Variants in DPP6 observed in about 807,000 individuals in gnomAD.
The protein encoded by DPP6 is A-type potassium channel modulatory protein DPP6.
A neutral mutation model predicts 122.6 loss-of-function variants in DPP6; 69 were observed. The observed-to-expected ratio is 0.56, with a 90% CI of 0.46 to 0.69. The LOEUF is 0.69. Ranked by LOEUF, DPP6 falls within the 30% of genes least tolerant of loss-of-function variation. DPP6 has a pLI of 0.00. For synonymous variants in DPP6, 418 were observed against 433.1 expected (o/e 0.97, Z 0.43); for missense variants, 928 against 1,116.9 (o/e 0.83, Z 2.41).
chr7:154,596,326 A>T lies in DPP6; in HGVS notation c.627+29410A>T, dbSNP rs1833088234. Among the ~76,000 whole-genome samples the T allele has an allele frequency of 2.0e-5, 3 of 152,174 alleles. No individual in the cohort carries two copies. The South Asian group carries it at 6.2e-4, about 32-fold the overall frequency. On this transcript the variant is annotated intron_variant, in intron 5 of 25. Transcript: ENST00000377770. ...ACTGTCTGCTGCTGGATGAGTGTGT[A>T]TTTGGGGGCTCTGAGGGATGGAGAA...
intron 1 of DPP6, among the ~76,000 whole-genome samples, chr7:154,332,608 C>G (rs991685017): frequency 1.3e-5 from 2 of 152,158 alleles, no homozygotes; most frequent in Non-Finnish European, 2.9e-5. Flanking sequence ...TTTGCCAAAG[C>G]GTTTAGATAG....
At chr7:153,939,741 C>T (rs1801614564) in intron 1 of DPP6, among the ~76,000 whole-genome samples, 1 of 152,194 alleles carries the variant, frequency 6.6e-6, no homozygotes, top group Non-Finnish European at 1.5e-5. Flanking sequence ...GCTATGAAAG[C>T]AAATAATTGC....
intron 1 of DPP6, chr7:153,887,793 C>G: frequency 6.3e-7 from 1 of 1,585,550 alleles, no homozygotes; most frequent in Non-Finnish European, 8.6e-7. Context: ...AGGAGCGATG[C>G]TGGGGGAGGT....
intron 18 of DPP6, among the ~76,000 whole-genome samples, chr7:154,870,143 A>ATTTTTTTTTTTTTTTTTT (rs1310478201): frequency 9.0e-6 from 1 of 110,878 alleles, no homozygotes; most frequent in Non-Finnish European, 1.8e-5. Context: ...TGCCCAACTA[A>ATTTTTTTTTTTTTTTTTT]TTCTTTTTTT....
chr7:154,740,544 T>G (rs968656923), intron 8 of DPP6, among the ~76,000 whole-genome samples: 1 of 152,348 alleles, frequency 6.6e-6, no homozygotes, highest in African/African-American at 2.4e-5. Flanking sequence ...GAAGCATCAC[T>G]AGGGTGGACC....
At chr7:154,462,121 C>A (rs1821351574) in intron 2 of DPP6, among the ~76,000 whole-genome samples, 1 of 152,104 alleles carries the variant, frequency 6.6e-6, no homozygotes, top group Non-Finnish European at 1.5e-5. Flanking sequence ...AGAGACTGTC[C>A]TTTCCCCAAT....
intron 2 of DPP6, among the ~76,000 whole-genome samples, chr7:154,469,698 G>A (rs1822096058): frequency 6.6e-6 from 1 of 152,196 alleles, no homozygotes; most frequent in Non-Finnish European, 1.5e-5. Flanking sequence ...GGAAATAGGA[G>A]TAGCACCTGC....
intron 1 of DPP6, among the ~76,000 whole-genome samples, chr7:154,065,775 T>C (rs1245294964): frequency 3.3e-5 from 5 of 152,084 alleles, no homozygotes; most frequent in Admixed American, 3.3e-4. Flanking sequence ...AGGCCCTGAG[T>C]TGGACTCAGG....
chr7:154,010,962 T>A (rs114118311), intron 1 of DPP6, among the ~76,000 whole-genome samples: 16,935 of 152,152 alleles, frequency 0.11, 1,390 homozygotes, highest in African/African-American at 0.24. Context: ...TAGAAATGGG[T>A]ACTTGAGTGG....
intron 1 of DPP6, among the ~76,000 whole-genome samples, chr7:153,966,840 G>A (rs1201256596): frequency 6.6e-6 from 1 of 151,306 alleles, no homozygotes; most frequent in Non-Finnish European, 1.5e-5. Flanking sequence ...GCTGAGACAG[G>A]CAGATCACTT....
intron 8 of DPP6, among the ~76,000 whole-genome samples, chr7:154,766,267 C>A (rs1411846200): frequency 6.6e-6 from 1 of 152,136 alleles, no homozygotes; most frequent in Non-Finnish European, 1.5e-5. Flanking sequence ...ACACCAGATA[C>A]CTGTCATCCC....
At chr7:154,554,631 A>G (rs1324026020) in intron 4 of DPP6, among the ~76,000 whole-genome samples, 1 of 152,198 alleles carries the variant, frequency 6.6e-6, no homozygotes, top group African/African-American at 2.4e-5. Flanking sequence ...ATCATCATAC[A>G]TGTAGACCAA....
chr7:153,826,539 A>G, the DPP6 span, among the ~76,000 whole-genome samples: 1 of 152,186 alleles, frequency 6.6e-6, no homozygotes, highest in African/African-American at 2.4e-5. Flanking sequence ...GTTTGCATAC[A>G]TATTCTGAAA....
chr7:153,942,230 C>T lies in DPP6; in HGVS notation c.51+54496C>T, dbSNP rs538128851. 8.4e-3 allele frequency among the ~76,000 whole-genome samples: 1,275 copies of T among 152,354 alleles called. 15 individuals carry two copies. The highest frequency in any genetic ancestry group is 0.044 in the Middle Eastern group (13 of 294). ...CTTCTGTGTGCCAGGCACCACCCCA[C>T]GCCTGGCATCCTGCCAATGGCCATC... On this transcript the variant is annotated intron_variant, in intron 1 of 25. Transcript: ENST00000404039.
intron 7 of DPP6, among the ~76,000 whole-genome samples, chr7:154,680,685 TA>T (rs1284862315): frequency 0.04 from 557 of 13,896 alleles, 2 homozygotes; most frequent in African/African-American, 0.048. Flanking sequence ...ATTATATATA[TA>T]TTTTTTTTAA....
chr7:154,526,208 A>G (rs1183509131), intron 3 of DPP6, among the ~76,000 whole-genome samples: 1 of 152,202 alleles, frequency 6.6e-6, no homozygotes, highest in African/African-American at 2.4e-5. Flanking sequence ...TTTGTCCCAC[A>G]GTGGTTGTCT....
chr7:154,449,078 A>G (rs906877531), intron 2 of DPP6, among the ~76,000 whole-genome samples: 1 of 152,246 alleles, frequency 6.6e-6, no homozygotes, highest in East Asian at 1.9e-4. Context: ...ATTGGACTTC[A>G]TCAAACTTAA....
At chr7:154,801,575 A>ATT in intron 13 of DPP6, 113 bp downstream of exon 13, 1 of 1,412,142 alleles carries the variant, frequency 7.1e-7, no homozygotes, top group Non-Finnish European at 9.3e-7. Flanking sequence ...AAGGAATCTG[A>ATT]AGGTGGTTCC....
chr7:154,803,956 G>A lies in DPP6; in HGVS notation c.1499+1G>A, dbSNP rs2150456321. The stretch of plus-strand genomic sequence containing the variant: ...CCTACGATGAGAAGGGGAATAAGAT[G>A]TGAGTGAGAACCAGGGGCCTGCCCC... On this transcript the variant is annotated splice_donor_variant, in intron 14 of 25. Transcript: ENST00000377770. LOFTEE classifies it high-confidence loss of function. The A allele has an allele frequency of 6.2e-7, 1 of 1,613,486 alleles. No individual in the cohort carries two copies.
Sources: gnomAD v4.1 joint callset for allele counts (sites outside exome capture counted in the v4.1 genomes callset) on GRCh38, gnomAD v4.1.1 for gene constraint, MANE v1.5 for transcripts, NCBI Gene and HGNC (gene_info 2026-07-23, HGNC 2026-07-21) for gene names.